The following PARD3B variants were observed in gnomAD, a reference collection of about 807,000 sequenced individuals.
PARD3B encodes the protein partitioning defective 3 homolog B.
In PARD3B, 103 loss-of-function variants were observed where a neutral mutation model predicts 130.2. The observed-to-expected ratio is 0.79, with a 90% CI of 0.67 to 0.93. The LOEUF (loss-of-function observed/expected upper bound fraction) is 0.93. Among genes scored for constraint, PARD3B ranks in the 40% least tolerant of loss-of-function variants. The pLI is 0.00. For synonymous variants in PARD3B, 583 were observed against 553.2 expected (o/e 1.05, Z -0.76); for missense variants, 1,609 against 1,499.2 (o/e 1.07, Z -1.21).
At chr2:204,886,433 C>T (rs1575216402) in intron 2 of PARD3B, among the ~76,000 whole-genome samples, 1 of 152,192 alleles carries the variant, frequency 6.6e-6, no homozygotes, top group South Asian at 2.1e-4. Flanking sequence ...GTTAGGAGAT[C>T]TCATTTAGTA....
chr2:204,935,049 A>G (rs917956636), intron 2 of PARD3B, among the ~76,000 whole-genome samples: 1 of 152,050 alleles, frequency 6.6e-6, no homozygotes, highest in Non-Finnish European at 1.5e-5. Context: ...GCTTGATTAT[A>G]ACCTGATACC....
rs1292415700 is a variant in PARD3B, at chr2:204,992,375, A to G, written c.394+27052A>G. Among the ~76,000 whole-genome samples, 4 of 121,188 alleles carry G rather than the reference A, an allele frequency of 3.3e-5. No homozygotes were observed. The East Asian group carries it at 6.9e-4, about 21-fold the overall frequency. 79.5% of individuals were successfully genotyped at this position (121,188 alleles called of 152,430 possible). A position where few individuals can be genotyped will look rare whatever the true frequency, so the allele number is the denominator to read the frequency against. ...CTTGTTTTTCTCAGGTTTGTCAAAG[A>G]TCAGATAGTTGTAGGTACGTGGCGT... On this transcript the variant is annotated intron_variant, in intron 3 of 22. Coordinates refer to ENST00000406610, the MANE Select transcript of PARD3B (RefSeq NM_001302769.2).
At chr2:204,755,336 A>G (rs2040621662) in intron 2 of PARD3B, among the ~76,000 whole-genome samples, 1 of 152,100 alleles carries the variant, frequency 6.6e-6, no homozygotes, top group Admixed American at 6.6e-5. Context: ...AGCTACCCAA[A>G]TATGAAATTG....
chr2:204,674,030 C>G (rs888316793), intron 1 of PARD3B, among the ~76,000 whole-genome samples: 3 of 152,052 alleles, frequency 2.0e-5, no homozygotes, highest in Admixed American at 1.3e-4. Flanking sequence ...CTGAGCCCGT[C>G]CCCCTACTTT....
At chr2:205,000,899 T>C (rs1694780001) in intron 3 of PARD3B, among the ~76,000 whole-genome samples, 1 of 152,184 alleles carries the variant, frequency 6.6e-6, no homozygotes, top group South Asian at 2.1e-4. Context: ...TTTTTTGGTT[T>C]GTTTCTGTTT....
At chr2:204,854,855 A>T (rs2044857069) in intron 2 of PARD3B, among the ~76,000 whole-genome samples, 1 of 152,178 alleles carries the variant, frequency 6.6e-6, no homozygotes. Flanking sequence ...TCCTGGACAC[A>T]CACAAGGAGT....
chr2:205,327,851 A>G (rs904222242), intron 18 of PARD3B, among the ~76,000 whole-genome samples: 3 of 152,222 alleles, frequency 2.0e-5, no homozygotes, highest in African/African-American at 7.2e-5. Flanking sequence ...CAATCAATAA[A>G]AGTCAGATGA....
chr2:205,564,886 T>C lies in PARD3B; in HGVS notation c.3260+11483T>C, dbSNP rs1228651452. On this transcript the variant is annotated intron_variant, in intron 22 of 22. Coordinates refer to ENST00000406610, the MANE Select transcript of PARD3B (RefSeq NM_001302769.2). The surrounding 1 kb of genome is among the most constrained non-coding windows in gnomAD (Gnocchi z 4.6). ...TCCTGCTTCTATTCCAAGTCTCTCA[T>C]TAAGCCTAGACAGAAGTGACCAGGG... Among the ~76,000 whole-genome samples the C allele has an allele frequency of 6.6e-6, 1 of 152,226 alleles. No homozygotes were observed. The highest frequency in any genetic ancestry group is 6.5e-5 in the Admixed American group (1 of 15,286).
intron 19 of PARD3B, among the ~76,000 whole-genome samples, chr2:205,425,758 G>A (rs1302790074): frequency 5.3e-5 from 8 of 152,020 alleles, no homozygotes; most frequent in Non-Finnish European, 1.2e-4. Context: ...ACTTTAATGA[G>A]CATTTAGGAT....
In PARD3B at chr2:205,500,022, C is replaced by A. The variant is rs752161798; in HGVS notation, c.3171C>A (p.Asp1057Glu). ...GAAGAGCAAGGCCATCTGAGTATGA[C>A]CTACTCTGGGTAAGCGCATGCATGA... ...DEGRARPSEY[D>E]LLWVPGRGPD... is the part of the protein sequence containing the mutation. Residue 1057 changes from aspartate (D) to glutamate (E), a missense_variant, in exon 21 of 23, where the codon GAC becomes GAA. Transcript: ENST00000406610. The A allele has an allele frequency of 1.2e-6, 2 of 1,613,568 alleles. No homozygotes were observed. The highest frequency in any genetic ancestry group is 1.7e-6 in the Non-Finnish European group (2 of 1,179,666).
intron 2 of PARD3B, among the ~76,000 whole-genome samples, chr2:204,714,280 A>G (rs1353618122): frequency 3.9e-5 from 6 of 152,176 alleles, no homozygotes; most frequent in African/African-American, 7.2e-5. Flanking sequence ...TTTACTAACT[A>G]CAGCATTTGT....
chr2:205,144,329 A>G (rs1384080665), intron 10 of PARD3B, among the ~76,000 whole-genome samples: 1 of 152,202 alleles, frequency 6.6e-6, no homozygotes, highest in African/African-American at 2.4e-5. Context: ...GCCAACCTGT[A>G]GATATATGAG....
At chr2:204,576,206 A>G (rs2125074329) in intron 1 of PARD3B, among the ~76,000 whole-genome samples, 1 of 152,290 alleles carries the variant, frequency 6.6e-6, no homozygotes. Context: ...GTTACACAGT[A>G]GCTTGAGGGT....
At chr2:204,882,613 A>G (rs1295273479) in intron 2 of PARD3B, among the ~76,000 whole-genome samples, 4 of 152,160 alleles carry the variant, frequency 2.6e-5, no homozygotes, top group Non-Finnish European at 4.4e-5. Context: ...GGCTGGTTCT[A>G]TGGGCTACAA....
chr2:205,114,108 A>G (rs1453017490), intron 6 of PARD3B, among the ~76,000 whole-genome samples: 1 of 152,166 alleles, frequency 6.6e-6, no homozygotes, highest in African/African-American at 2.4e-5. Context: ...AATTTAGTCA[A>G]TTAAAAATAA....
At chr2:205,279,070 C>CAAAAAAAAAAAAAAA (rs57717513) in intron 16 of PARD3B, among the ~76,000 whole-genome samples, 2 of 38,854 alleles carry the variant, frequency 5.1e-5, no homozygotes, top group African/African-American at 9.7e-5. Flanking sequence ...GAATCTGTCT[C>CAAAAAAAAAAAAAAA]AAAAAAAAAA....
At chr2:204,721,029 T>A (rs1052752191) in intron 2 of PARD3B, among the ~76,000 whole-genome samples, 1 of 152,140 alleles carries the variant, frequency 6.6e-6, no homozygotes, top group Non-Finnish European at 1.5e-5. Context: ...TGAGTACTAC[T>A]CCAGACCTAC....
At chr2:205,594,800 C>T (rs1221107936) in intron 22 of PARD3B, among the ~76,000 whole-genome samples, 1 of 152,150 alleles carries the variant, frequency 6.6e-6, no homozygotes, top group African/African-American at 2.4e-5. Flanking sequence ...CCTACCCTGA[C>T]ATATCAGTGT....
intron 1 of PARD3B, among the ~76,000 whole-genome samples, chr2:204,550,635 A>C (rs1359381070): frequency 5.3e-5 from 8 of 152,220 alleles, no homozygotes; most frequent in Non-Finnish European, 1.2e-4. Context: ...TTTGGAAAGG[A>C]AAAATTATAT....
Sources: allele counts gnomAD v4.1 joint callset (sites outside exome capture counted in the v4.1 genomes callset), GRCh38; gene constraint gnomAD v4.1.1; non-coding constraint Gnocchi (gnomAD v3.1); transcripts MANE v1.5; gene names NCBI Gene and HGNC (gene_info 2026-07-23, HGNC 2026-07-21).